Variants in LGR5 observed in about 807,000 individuals in gnomAD.
LGR5 encodes the protein leucine-rich repeat-containing G protein-coupled receptor 5.
LGR5 carries 54 observed loss-of-function variants against 76.7 expected under a neutral mutation model. The observed-to-expected ratio is 0.70, with a 90% CI of 0.57 to 0.88. LGR5 has a LOEUF of 0.88. LGR5 is among the 40% of genes least tolerant of loss of function. The pLI, the probability that LGR5 is intolerant of heterozygous loss-of-function variation, is 0.00. For synonymous variants in LGR5, 406 were observed against 421.9 expected (o/e 0.96, Z 0.46); for missense variants, 1,078 against 1,073.3 (o/e 1.00, Z -0.06).
intron 1 of LGR5, among the ~76,000 whole-genome samples, chr12:71,468,174 C>T (rs555637019): frequency 4.5e-4 from 69 of 152,132 alleles, no homozygotes; most frequent in Non-Finnish European, 8.4e-4. Flanking sequence ...TTTAGCAAGA[C>T]TACTGGGACA....
intron 1 of LGR5, among the ~76,000 whole-genome samples, chr12:71,483,260 T>C (rs1873689263): frequency 6.6e-6 from 1 of 151,724 alleles, no homozygotes; most frequent in Non-Finnish European, 1.5e-5. Context: ...CCAACTGGAG[T>C]TGTGGAATCT....
At chr12:71,474,678 T>C (rs60195346) in intron 1 of LGR5, among the ~76,000 whole-genome samples, 7,053 of 152,310 alleles carry the variant, frequency 0.046, 180 homozygotes, top group African/African-American at 0.078. Context: ...TCCTTGCCTG[T>C]ATTCAATTTC....
intron 1 of LGR5, among the ~76,000 whole-genome samples, chr12:71,459,239 C>CCTT (rs1872601366): frequency 6.6e-6 from 1 of 152,084 alleles, no homozygotes; most frequent in Non-Finnish European, 1.5e-5. Context: ...CATAAATGTA[C>CCTT]CTTCTGCCTT....
Position 71,578,740 on chromosome 12 carries a change from T to C in LGR5, c.1281-64T>C, listed in dbSNP as rs17109907. Reference sequence around the variant, plus strand: ...TTTAACGATCTTTAGGTTGTTGTTTTTTTTAACATAAACGTTTTATGCTAA... The same window carrying C: ...TTTAACGATCTTTAGGTTGTTGTTTCTTTTAACATAAACGTTTTATGCTAA... On this transcript the variant is annotated intron_variant, in intron 14 of 17. Transcript: ENST00000266674. 9,882 of 1,468,130 alleles carry C rather than the reference T, an allele frequency of 6.7e-3. 530 individuals carry two copies. In the African/African-American group the frequency reaches 0.12, roughly 18 times the overall value. 90.9% of individuals were successfully genotyped at this position (1,468,130 alleles called of 1,614,324 possible).
rs746055717 is a variant in LGR5 at position 71,583,879 on chromosome 12, C to T, written c.1869C>T (p.Ser623=). 20 of 1,614,036 alleles carry T rather than the reference C, an allele frequency of 1.2e-5. No individual in the cohort carries two copies. Among genetic ancestry groups the T allele is most frequent in the Admixed American group, 1.2e-4 (7 of 60,004 alleles). Residue 623 remains serine (S), a synonymous_variant, in exon 18 of 18, where the codon AGC becomes AGT. Coordinates refer to ENST00000266674, the MANE Select transcript of LGR5 (RefSeq NM_003667.4). ...LAGVDAFTFG[S]FARHGAWWEN... ...GTGTGGATGCGTTCACTTTTGGCAGCTTTGCACGACATGGTGCCTGGTGGG... is the reference window on the plus strand; with the variant it reads ...GTGTGGATGCGTTCACTTTTGGCAGTTTTGCACGACATGGTGCCTGGTGGG...
chr12:71,479,913 T>C (rs1223660623), intron 1 of LGR5, among the ~76,000 whole-genome samples: 1 of 152,110 alleles, frequency 6.6e-6, no homozygotes, highest in African/African-American at 2.4e-5. Context: ...GCTTAGGCAT[T>C]TGCATTACAT....
At chr12:71,538,225 ATC>A (rs1490216682) in intron 4 of LGR5, among the ~76,000 whole-genome samples, 1 of 152,264 alleles carries the variant, frequency 6.6e-6, no homozygotes, top group East Asian at 1.9e-4. Context: ...TAAAATCAGA[ATC>A]TCTGGCCAGG....
At chr12:71,464,443 C>A (rs1222681572) in intron 1 of LGR5, among the ~76,000 whole-genome samples, 2 of 152,078 alleles carry the variant, frequency 1.3e-5, no homozygotes, top group Non-Finnish European at 2.9e-5. Flanking sequence ...CTGACATATT[C>A]AGAAGTACAT....
At chr12:71,443,096 C>A (rs1871837411) in intron 1 of LGR5, among the ~76,000 whole-genome samples, 1 of 152,058 alleles carries the variant, frequency 6.6e-6, no homozygotes, top group Admixed American at 6.5e-5. Context: ...ACCCAATCCC[C>A]TTCAAAAAAA....
intron 1 of LGR5, among the ~76,000 whole-genome samples, chr12:71,496,666 A>T (rs1874338362): frequency 6.6e-6 from 1 of 152,214 alleles, no homozygotes; most frequent in Admixed American, 6.5e-5. Flanking sequence ...TAATAGTCAC[A>T]AACTAAAAAC....
chr12:71,516,217 T>G (rs1443220125), intron 2 of LGR5, among the ~76,000 whole-genome samples: 1 of 152,200 alleles, frequency 6.6e-6, no homozygotes, highest in Non-Finnish European at 1.5e-5. Flanking sequence ...CCGTTTCATT[T>G]TTTTTAATTT....
At position 71,584,033 on chromosome 12, in the gene LGR5, A is replaced by C; in HGVS notation, c.2023A>C (p.Lys675Gln). ...GAAATATTCTGCAAAATTTGAAACG[A>C]AAGCTCCATTTTCTAGCCTGAAAGT... ...SVKYSAKFETKAPFSSLKVII... is the reference protein window; with the variant it reads ...SVKYSAKFETQAPFSSLKVII... Residue 675 changes from lysine (K) to glutamine (Q), a missense_variant, in exon 18 of 18, where the codon AAA (lysine) becomes CAA (glutamine). Coordinates refer to ENST00000266674, the MANE Select transcript of LGR5 (RefSeq NM_003667.4). The C allele has an allele frequency of 6.2e-7, 1 of 1,614,208 alleles. No homozygotes were observed. Among genetic ancestry groups the C allele is most frequent in the Non-Finnish European group, 8.5e-7 (1 of 1,180,038 alleles).
At chr12:71,459,596 C>T (rs1031341925) in intron 1 of LGR5, among the ~76,000 whole-genome samples, 3 of 152,050 alleles carry the variant, frequency 2.0e-5, no homozygotes, top group Admixed American at 6.6e-5. Context: ...TACTATCAGG[C>T]CAGTTCTAGA....
At chr12:71,456,651 A>G (rs1475694332) in intron 1 of LGR5, among the ~76,000 whole-genome samples, 1 of 152,064 alleles carries the variant, frequency 6.6e-6, no homozygotes, top group Non-Finnish European at 1.5e-5. Flanking sequence ...TGCAAGATTT[A>G]CTGTTAATTT....
At chr12:71,492,969 T>G (rs919843179) in intron 1 of LGR5, among the ~76,000 whole-genome samples, 8 of 151,394 alleles carry the variant, frequency 5.3e-5, no homozygotes, top group Non-Finnish European at 1.0e-4. Context: ...CATCCAATCT[T>G]TCATTTTTTA....
At chr12:71,476,401 A>C (rs1438794534) in intron 1 of LGR5, among the ~76,000 whole-genome samples, 1 of 152,192 alleles carries the variant, frequency 6.6e-6, no homozygotes, top group Non-Finnish European at 1.5e-5. Context: ...TCTAGGGTTC[A>C]AGCCTGACTG....
intron 1 of LGR5, among the ~76,000 whole-genome samples, chr12:71,477,218 A>G (rs1334313259): frequency 6.6e-6 from 1 of 152,042 alleles, no homozygotes; most frequent in East Asian, 1.9e-4. Flanking sequence ...CTGTCTCCTC[A>G]CCACCCGTTT....
intron 1 of LGR5, among the ~76,000 whole-genome samples, chr12:71,466,207 A>T (rs1455768065): frequency 6.6e-6 from 1 of 152,258 alleles, no homozygotes; most frequent in African/African-American, 2.4e-5. Flanking sequence ...GACAAAATAT[A>T]CTAGCATAAT....
At chr12:71,546,335 T>TATA in intron 4 of LGR5, among the ~76,000 whole-genome samples, 1 of 151,430 alleles carries the variant, frequency 6.6e-6, no homozygotes, top group Non-Finnish European at 1.5e-5. Flanking sequence ...TATATATATA[T>TATA]TAACTGTTTG....
Sources: allele counts gnomAD v4.1 joint callset (sites outside exome capture counted in the v4.1 genomes callset), GRCh38; gene constraint gnomAD v4.1.1; transcripts MANE v1.5; gene names NCBI Gene and HGNC (gene_info 2026-07-23, HGNC 2026-07-21).